The following ALS2CL variants were observed in gnomAD, a reference collection of about 807,000 sequenced individuals.
ALS2CL encodes the protein ALS2 C-terminal like, also known as ALS2 C-terminal-like protein.
In ALS2CL, 112 loss-of-function variants were observed where a neutral mutation model predicts 127.9. The ratio of observed to expected loss-of-function variants is 0.88; its 90% CI spans 0.75 to 1.02. The LOEUF is 1.02. Ranked by LOEUF, ALS2CL falls within the 50% of genes least tolerant of loss-of-function variation. The pLI is 0.00. For missense variants in ALS2CL, 1,174 were observed against 1,236.7 expected (o/e 0.95, Z 0.76); for synonymous variants, 519 against 527.6 (o/e 0.98, Z 0.22).
In ALS2CL at chr3:46,671,010, G is replaced by T; in HGVS notation, c.2836C>A (p.His946Asn). 6.2e-7 allele frequency: 1 copy of T among 1,614,200 alleles called. No homozygotes were observed. ...TACCAGAGCTCCCTGGAGTGCCAGT[G>T]GCCAGGTAAGCGGTGCAGCCTCATG... is the stretch of plus-strand genomic sequence containing the variant. ...EDMRLHRLPG[H>N]WHSRELW The change falls in exon 26 of 26, where the codon CAC becomes AAC. Residue 946 changes from histidine (H) to asparagine (N), a missense_variant. Transcript: ENST00000318962.
intron 1 of ALS2CL, among the ~76,000 whole-genome samples, chr3:46,690,843 T>C (rs1365914842): frequency 1.3e-5 from 2 of 151,710 alleles, no homozygotes; most frequent in African/African-American, 4.8e-5. Flanking sequence ...GCCCCGAGAG[T>C]GCCATGCGGG....
chr3:46,686,294 G>A lies in ALS2CL; in HGVS notation c.666+14C>T, dbSNP rs1175044288. The A allele has an allele frequency of 2.5e-6, 4 of 1,599,832 alleles. No individual in the cohort carries two copies. The highest frequency in any genetic ancestry group is 1.1e-5 in the South Asian group (1 of 89,068). ...GAACCCCCTCCCTAACTGCCCCTCAGGCCCCCAACTCACCCTCAGCCGGCC... is the reference window on the plus strand; with the variant it reads ...GAACCCCCTCCCTAACTGCCCCTCAAGCCCCCAACTCACCCTCAGCCGGCC... On this transcript the variant is annotated intron_variant, in intron 6 of 25. Transcript: ENST00000318962. The surrounding 1 kb of genome is among the most constrained non-coding windows in gnomAD (Gnocchi z 4.3).
At chr3:46,679,735 TTC>T (rs1699167580) in intron 14 of ALS2CL, 1 of 155,494 alleles carries the variant, frequency 6.4e-6, no homozygotes, top group Non-Finnish European at 1.4e-5. Flanking sequence ...TGTGTACTTA[TTC>T]TTCCCCTTGT....
intron 3 of ALS2CL, 87 bp downstream of exon 3, chr3:46,688,011 T>C (rs553930796): frequency 2.0e-6 from 3 of 1,492,236 alleles, no homozygotes; most frequent in African/African-American, 1.4e-5. Flanking sequence ...CCCTGACCCA[T>C]GTGAGCCCCA....
chr3:46,683,237 G>A lies in ALS2CL; in HGVS notation c.1002C>T (p.Pro334=). 1 of 1,609,898 alleles carries A rather than the reference G, an allele frequency of 6.2e-7. No individual in the cohort carries two copies. ...CGCAGCGGCAGTCGGGAGGCTGGGA[G>A]GGCTCCAGGCCAGCCCCCAGCACGG... ...DFPVLGAGLE[P]SQPPDCRCAE... Residue 334 remains proline, a synonymous_variant, in exon 10 of 26, where the codon CCC becomes CCT. Transcript: ENST00000318962.
Position 46,687,199 on chromosome 3 carries a change from C to T in ALS2CL, c.369-51G>A, listed in dbSNP as rs751510580. 2.7e-6 allele frequency: 4 copies of T among 1,460,736 alleles called. No homozygotes were observed. In the East Asian group the frequency reaches 7.6e-5, roughly 28 times the overall value. The allele number at this position is 1,460,736 out of a possible 1,614,324, so 90.5% of individuals were successfully genotyped here. On this transcript the variant is annotated intron_variant, in intron 4 of 25. Coordinates refer to ENST00000318962, the MANE Select transcript of ALS2CL (RefSeq NM_147129.5). ...ACCTTCACCCCTTCCTCCATTCCTG[C>T]ACCCACACCGCCACCTCCCTGCCCC... is the stretch of plus-strand genomic sequence containing the variant.
Position 46,678,277 on chromosome 3 carries a change from G to A in ALS2CL, c.1739C>T (p.Pro580Leu), listed in dbSNP as rs777053018. ...CACTCACCTCTTGCAGGTACTGCTC[G>A]GGTCTGGTGGGAGGGCAGCCGTGTC... Reference protein sequence around the residue: ...VLDTAALPPDPSSTCKRQLGV... With the variant: ...VLDTAALPPDLSSTCKRQLGV... Residue 580 changes from proline (P) to leucine (L), a missense_variant, in exon 16 of 26, where the codon CCG (proline) becomes CTG (leucine). Pro to Leu is a moderately conservative substitution (Grantham distance 98, BLOSUM62 -3). Transcript: ENST00000318962. The A allele has an allele frequency of 4.5e-5, 72 of 1,599,558 alleles. No individual in the cohort carries two copies. Among genetic ancestry groups the A allele is most frequent in the Non-Finnish European group, 5.6e-5 (66 of 1,169,454 alleles).
intron 1 of ALS2CL, among the ~76,000 whole-genome samples, chr3:46,689,982 G>C (rs1700060721): frequency 6.6e-6 from 1 of 152,162 alleles, no homozygotes; most frequent in Admixed American, 6.5e-5. Context: ...TGGAGGTATG[G>C]GGGAGTCCGG....
chr3:46,680,974 G>T, intron 13 of ALS2CL: 2 of 589,814 alleles, frequency 3.4e-6, no homozygotes, highest in Non-Finnish European at 6.1e-6. Context: ...GAGCCAGCAA[G>T]GGCTGCAGTT....
chr3:46,692,214 G>A (rs1441212062), intron 1 of ALS2CL, among the ~76,000 whole-genome samples: 1 of 152,146 alleles, frequency 6.6e-6, no homozygotes, highest in Non-Finnish European at 1.5e-5. Context: ...GGGAGTCTGG[G>A]GCTTCATCCT....
chr3:46,680,810 A>T, intron 13 of ALS2CL: 2 of 539,408 alleles, frequency 3.7e-6, no homozygotes, highest in South Asian at 4.3e-5. Flanking sequence ...GTGCAAAGCC[A>T]TGGAGGTAGG....
chr3:46,680,393 G>A (rs1699219016), intron 14 of ALS2CL, 37 bp downstream of exon 14: 1 of 1,588,718 alleles, frequency 6.3e-7, no homozygotes, highest in Non-Finnish European at 8.6e-7. Context: ...GGAGTGGGGT[G>A]CAAAGAGAGG....
rs543813505 is a variant in ALS2CL, at chr3:46,675,788, G to C, written c.2187-102C>G. Reference sequence around the variant, plus strand: ...CAAAAGCAGGTGGCCTCTCAGAACTGTGGACATGGCCTGCAGGGTTCATCC... The same window carrying C: ...CAAAAGCAGGTGGCCTCTCAGAACTCTGGACATGGCCTGCAGGGTTCATCC... On this transcript the variant is annotated intron_variant, in intron 19 of 25. Transcript: ENST00000318962. The C allele has an allele frequency of 1.5e-4, 236 of 1,582,518 alleles. 2 individuals carry two copies. The East Asian group carries it at 5.3e-3, about 36-fold the overall frequency.
rs1266129749 is a variant in ALS2CL, at chr3:46,681,619, G to A, written c.1176-21C>T. On this transcript the variant is annotated intron_variant, in intron 11 of 25. Coordinates refer to ENST00000318962, the MANE Select transcript of ALS2CL (RefSeq NM_147129.5). The surrounding 1 kb of genome is among the most constrained non-coding windows in gnomAD (Gnocchi z 4.9). ...CGAAGCTGACAGCATGGTTGTGGGG[G>A]TGGGGATCAGCCCTGACCTGAGACG... 2.5e-6 allele frequency: 4 copies of A among 1,612,548 alleles called. No individual in the cohort carries two copies. The highest frequency in any genetic ancestry group is 2.2e-5 in the East Asian group (1 of 44,890).
intron 21 of ALS2CL, 71 bp downstream of exon 21, chr3:46,674,495 C>T: frequency 1.4e-5 from 22 of 1,551,108 alleles, no homozygotes; most frequent in Non-Finnish European, 1.9e-5. Flanking sequence ...CCAGCCCCAC[C>T]TTTTGGCTGA....
At chr3:46,689,727 T>C (rs1356957757) in intron 1 of ALS2CL, among the ~76,000 whole-genome samples, 1 of 152,094 alleles carries the variant, frequency 6.6e-6, no homozygotes, top group Non-Finnish European at 1.5e-5. Flanking sequence ...CCCCAAAGGG[T>C]AGATGTTCTT....
chr3:46,670,834 G>T lies in ALS2CL; in HGVS notation c.*150C>A. 1.3e-6 allele frequency: 1 copy of T among 791,458 alleles called. No individual in the cohort carries two copies. Among genetic ancestry groups the T allele is most frequent in the Non-Finnish European group, 2.1e-6 (1 of 482,510 alleles). The allele number at this position is 791,458 out of a possible 1,614,324, so 49.0% of individuals were successfully genotyped here. ...TCACCCCTCACCCTCATCCCAGTCA[G>T]GGCAGCAGCAGCATCTTCCTGTGCA... On this transcript the variant is annotated 3_prime_UTR_variant, in exon 26 of 26. Coordinates refer to ENST00000318962, the MANE Select transcript of ALS2CL (RefSeq NM_147129.5). The surrounding 1 kb of genome is among the most constrained non-coding windows in gnomAD (Gnocchi z 5.5).
At position 46,683,805 on chromosome 3, in the gene ALS2CL, A is replaced by G. The variant is rs1699554553; in HGVS notation, c.889T>C (p.Cys297Arg). ...LLTPEEEFSF[C>R]AKDSQGQAVW... ...ACCTGGCCCTGGGAGTCCTTGGCACAAAAGGAGAACTCTTCTTCGGGCGTG... is the reference window on the plus strand; with the variant it reads ...ACCTGGCCCTGGGAGTCCTTGGCACGAAAGGAGAACTCTTCTTCGGGCGTG... Residue 297 changes from cysteine to arginine, a missense_variant, in exon 9 of 26, where the codon TGT becomes CGT. Physicochemically the swap from Cys to Arg is radical, Grantham distance 180 (BLOSUM62 -3). Transcript: ENST00000318962. 6.2e-7 allele frequency: 1 copy of G among 1,614,094 alleles called. No individual in the cohort carries two copies. The highest frequency in any genetic ancestry group is 8.5e-7 in the Non-Finnish European group (1 of 1,180,006).
At position 46,683,192 on chromosome 3, in the gene ALS2CL, T is replaced by G. The variant is rs1699491672; in HGVS notation, c.1047A>C (p.Ala349=). Residue 349 remains alanine, a synonymous_variant, in exon 10 of 26, where the codon GCA becomes GCC. Coordinates refer to ENST00000318962, the MANE Select transcript of ALS2CL (RefSeq NM_147129.5). ...AGGTGGCCTGGCAGAGCCGGCCCTC[T>G]GCCTGGAAGGTATATTCTGCGCAGC... ...DCRCAEYTFQ[A]EGRLCQATYE... is the part of the protein sequence containing the mutation. 3.1e-6 allele frequency: 5 copies of G among 1,606,016 alleles called. No individual in the cohort carries two copies.
Sources: gnomAD v4.1 joint callset for allele counts (sites outside exome capture counted in the v4.1 genomes callset) on GRCh38, gnomAD v4.1.1 for gene constraint, Gnocchi (gnomAD v3.1) non-coding constraint, MANE v1.5 for transcripts, NCBI Gene and HGNC (gene_info 2026-07-23, HGNC 2026-07-21) for gene names.